Variants in PTGER4 observed in about 807,000 individuals in gnomAD.
The protein encoded by PTGER4 is prostaglandin E receptor 4.
PTGER4 carries 11 observed loss-of-function variants against 33.2 expected under a neutral mutation model. The observed-to-expected ratio is 0.33, with a 90% CI of 0.21 to 0.55. The LOEUF (loss-of-function observed/expected upper bound fraction) is 0.55, where lower values mean the gene tolerates loss of function less well. Ranked by LOEUF, PTGER4 falls within the 20% of genes least tolerant of loss-of-function variation. The pLI is 0.92. For missense variants in PTGER4, 481 were observed against 650.2 expected (o/e 0.74, Z 2.83); for synonymous variants, 275 against 281.5 (o/e 0.98, Z 0.23).
chr5:40,684,381 CA>C (rs1298816571), intron 2 of PTGER4, among the ~76,000 whole-genome samples: 1 of 151,994 alleles, frequency 6.6e-6, no homozygotes, highest in Non-Finnish European at 1.5e-5. Flanking sequence ...GCGTTGGAAT[CA>C]TTTTAAATGC....
chr5:40,745,904 G>T, the PTGER4 span, among the ~76,000 whole-genome samples: 2 of 151,848 alleles, frequency 1.3e-5, no homozygotes, highest in Non-Finnish European at 2.9e-5. Context: ...CCAGCCAGTT[G>T]TACTATTCTT....
chr5:40,745,235 C>T, the PTGER4 span, among the ~76,000 whole-genome samples: 1 of 152,058 alleles, frequency 6.6e-6, no homozygotes, highest in Admixed American at 6.6e-5. Flanking sequence ...GGAAAACAGG[C>T]AAAACCTAAA....
intron 2 of PTGER4, among the ~76,000 whole-genome samples, chr5:40,689,894 A>C (rs10060234): frequency 1.3e-5 from 2 of 152,020 alleles, no homozygotes; most frequent in South Asian, 4.1e-4. Flanking sequence ...TATGGCAATT[A>C]TTTTTATTTC....
At chr5:40,699,111 C>A in the PTGER4 span, among the ~76,000 whole-genome samples, 1 of 150,854 alleles carries the variant, frequency 6.6e-6, no homozygotes, top group Non-Finnish European at 1.5e-5. Context: ...ACAGTAATGA[C>A]ATCAGGTACA....
rs1487212485 is a variant in PTGER4, at chr5:40,693,520, A to C, written c.*1142A>C. On this transcript the variant is annotated 3_prime_UTR_variant, in exon 3 of 3. Transcript: ENST00000302472. ...CAGAAGTGCAGAATTGGGGCACTTA[A>C]TGGTCACCTTGTAACAGTTTTGTGT... 2 of 985,806 alleles carry C rather than the reference A, an allele frequency of 2.0e-6. No individual in the cohort carries two copies. Among genetic ancestry groups the C allele is most frequent in the African/African-American group, 3.5e-5 (2 of 57,248 alleles). The allele number at this position is 985,806 out of a possible 1,614,324, so 61.1% of individuals were successfully genotyped here.
chr5:40,734,163 T>C, the PTGER4 span, among the ~76,000 whole-genome samples: 5 of 152,250 alleles, frequency 3.3e-5, no homozygotes, highest in African/African-American at 9.6e-5. Flanking sequence ...TTCTTCCCCC[T>C]TCTCATTTCT....
chr5:40,707,103 A>T, the PTGER4 span, among the ~76,000 whole-genome samples: 2 of 152,220 alleles, frequency 1.3e-5, no homozygotes, highest in Admixed American at 6.5e-5. Flanking sequence ...CATCAAGGCT[A>T]CGAAGAAACA....
At chr5:40,726,407 G>T in the PTGER4 span, among the ~76,000 whole-genome samples, 1 of 151,270 alleles carries the variant, frequency 6.6e-6, no homozygotes, top group African/African-American at 2.4e-5. Context: ...AGAAATTCTA[G>T]CTTGCTTTCA....
At position 40,683,985 on chromosome 5, in the gene PTGER4, A is replaced by C. The variant is rs1022125913; in HGVS notation, c.867+2125A>C. 6.6e-6 allele frequency among the ~76,000 whole-genome samples: 1 copy of C among 152,230 alleles called. No homozygotes were observed. Among genetic ancestry groups the C allele is most frequent in the Non-Finnish European group, 1.5e-5 (1 of 68,048 alleles). ...AATCCCATTAGTCAAGTATTTATAT[A>C]GCTTTGTGAGAAATAAGGAATCCTA... On this transcript the variant is annotated intron_variant, in intron 2 of 2. Coordinates refer to ENST00000302472, the MANE Select transcript of PTGER4 (RefSeq NM_000958.3). The surrounding 1 kb of genome is among the most constrained non-coding windows in gnomAD (Gnocchi z 4.2).
downstream of PTGER4, among the ~76,000 whole-genome samples, chr5:40,697,296 A>AAGAG (rs1232059496): frequency 1.4e-5 from 2 of 147,300 alleles, no homozygotes. Flanking sequence ...GAAAGAAAGA[A>AAGAG]AAAGAAAGGC....
chr5:40,730,238 A>T, the PTGER4 span: 2 of 1,558,340 alleles, frequency 1.3e-6, no homozygotes, highest in East Asian at 2.3e-5. Flanking sequence ...TCATAAGGAA[A>T]GTGAAATTCT....
the PTGER4 span, among the ~76,000 whole-genome samples, chr5:40,735,495 G>A: frequency 1.3e-5 from 2 of 152,160 alleles, no homozygotes; most frequent in Non-Finnish European, 2.9e-5. Flanking sequence ...CTGGAAAACA[G>A]AGCCTGAGGC....
the PTGER4 span, chr5:40,716,385 C>A: frequency 6.2e-7 from 1 of 1,613,966 alleles, no homozygotes; most frequent in East Asian, 2.2e-5. Flanking sequence ...TTTTTTTAAT[C>A]CTCTGTGCTA....
chr5:40,691,690 T>C lies in PTGER4; in HGVS notation c.868-89T>C. ...ACTTGTTACCAGAAATGAAGGCAGC[T>C]TCCTAATATTGATAAGGTAGACATA... On this transcript the variant is annotated intron_variant, in intron 2 of 2. Transcript: ENST00000302472. This position sits in a 1 kb window ranked among gnomAD's most constrained non-coding sequence, Gnocchi z 4.2. 13 of 1,477,902 alleles carry C rather than the reference T, an allele frequency of 8.8e-6. No homozygotes were observed. Among genetic ancestry groups the C allele is most frequent in the Non-Finnish European group, 1.2e-5 (13 of 1,099,432 alleles). The allele number at this position is 1,477,902 out of a possible 1,614,324, so 91.5% of individuals were successfully genotyped here. A position where few individuals can be genotyped will look rare whatever the true frequency, so the allele number is the denominator to read the frequency against.
At chr5:40,734,925 G>A in the PTGER4 span, among the ~76,000 whole-genome samples, 3 of 152,204 alleles carry the variant, frequency 2.0e-5, no homozygotes, top group African/African-American at 7.2e-5. Context: ...GTGACCAAGT[G>A]GCTATTCGGA....
At chr5:40,722,319 G>A in the PTGER4 span, among the ~76,000 whole-genome samples, 8 of 152,152 alleles carry the variant, frequency 5.3e-5, no homozygotes, top group South Asian at 2.1e-4. Flanking sequence ...TCCTCTGCCC[G>A]GCCGCCACCC....
At chr5:40,702,212 A>C in the PTGER4 span, among the ~76,000 whole-genome samples, 1 of 152,210 alleles carries the variant, frequency 6.6e-6, no homozygotes, top group Non-Finnish European at 1.5e-5. Context: ...CAAATGTCCA[A>C]CTTAAAAGGC....
At chr5:40,716,339 T>C in the PTGER4 span, 6 of 1,614,058 alleles carry the variant, frequency 3.7e-6, no homozygotes, top group East Asian at 1.3e-4. Flanking sequence ...GGAATTGACT[T>C]TGGTGAAAAG....
At chr5:40,702,090 C>T in the PTGER4 span, among the ~76,000 whole-genome samples, 4 of 152,124 alleles carry the variant, frequency 2.6e-5, no homozygotes, top group African/African-American at 9.7e-5. Flanking sequence ...AACACAGAGA[C>T]CAGTGTCACT....
Sources: allele counts gnomAD v4.1 joint callset (sites outside exome capture counted in the v4.1 genomes callset), GRCh38; gene constraint gnomAD v4.1.1; non-coding constraint Gnocchi (gnomAD v3.1); transcripts MANE v1.5; gene names NCBI Gene and HGNC (gene_info 2026-07-23, HGNC 2026-07-21).